Variants in SRP19 observed in about 807,000 individuals in gnomAD.
The protein encoded by SRP19 is signal recognition particle 19, also known as signal recognition particle 19 kDa protein.
In SRP19, 11 loss-of-function variants were observed where a neutral mutation model predicts 22.4. The ratio of observed to expected loss-of-function variants is 0.49; its 90% CI spans 0.31 to 0.81. SRP19 has a LOEUF of 0.81. Ranked by LOEUF, SRP19 falls within the 40% of genes least tolerant of loss-of-function variation. The pLI is 0.05. For missense variants in SRP19, 168 were observed against 175.9 expected, an observed-to-expected ratio of 0.96 and a Z score of 0.25; for synonymous variants, 61 against 57.6, an observed-to-expected ratio of 1.06 and a Z score of -0.27.
At chr5:112,886,028 G>A (rs1157401127) in intron 4 of SRP19, among the ~76,000 whole-genome samples, 1 of 152,172 alleles carries the variant, frequency 6.6e-6, no homozygotes, top group Non-Finnish European at 1.5e-5. Context: ...CAGCGACATG[G>A]CCTCTCCACT....
exon 5 of SRP19, chr5:112,892,051 G>T (rs769447970): frequency 1.3e-6 from 2 of 1,522,512 alleles, no homozygotes; most frequent in South Asian, 2.2e-5. Flanking sequence ...GAAAGAAAAA[G>T]AGGAAGCTGT....
chr5:112,889,829 ATT>A (rs35932072), intron 4 of SRP19, among the ~76,000 whole-genome samples: 1 of 139,280 alleles, frequency 7.2e-6, no homozygotes, highest in African/African-American at 2.8e-5. Context: ...GAAAAAAAAA[ATT>A]TTTTTTTTTT....
chr5:112,891,802 G>T (rs1302979864), exon 5 of SRP19: 1 of 1,606,928 alleles, frequency 6.2e-7, no homozygotes, highest in South Asian at 1.1e-5. Context: ...GGAGGAAGAG[G>T]ACACTTTTAT....
exon 4 of SRP19, chr5:112,898,202 C>T (rs780855733): frequency 2.6e-5 from 4 of 152,204 alleles, no homozygotes; most frequent in Non-Finnish European, 4.4e-5. Context: ...CTCCTACAGA[C>T]GAGACTCTGC....
intron 4 of SRP19, among the ~76,000 whole-genome samples, chr5:112,866,210 G>A (rs191598): frequency 6.0e-5 from 9 of 151,070 alleles, no homozygotes; most frequent in African/African-American, 1.2e-4. Flanking sequence ...TCCGCCTCCC[G>A]GGTTCAAGTG....
At chr5:112,875,043 T>C (rs1037664962) in intron 4 of SRP19, among the ~76,000 whole-genome samples, 1 of 152,196 alleles carries the variant, frequency 6.6e-6, no homozygotes, top group African/African-American at 2.4e-5. Flanking sequence ...CCCAGAGTGC[T>C]GGGATTACAG....
chr5:112,884,675 G>A (rs1768179922), intron 4 of SRP19, among the ~76,000 whole-genome samples: 1 of 151,924 alleles, frequency 6.6e-6, no homozygotes, highest in African/African-American at 2.4e-5. Context: ...CTGAGTCACT[G>A]TTCCTGATTC....
Position 112,861,384 on chromosome 5 carries a change from G to A in SRP19, c.8G>A (p.Cys3Tyr). ...GTTGAGACTCTTGTGAAGATGGCTT[G>A]CGCTGCCGCGCGGTCCCCGGCCGAC... MA[C>Y]AAARSPADQD... is the part of the protein sequence containing the mutation. The change falls in exon 1 of 5, where the codon TGC becomes TAC. Residue 3 changes from cysteine to tyrosine, a missense_variant. Transcript: ENST00000505459. 1 of 1,614,170 alleles carries A rather than the reference G, an allele frequency of 6.2e-7. No homozygotes were observed. The highest frequency in any genetic ancestry group is 8.5e-7 in the Non-Finnish European group (1 of 1,180,042).
chr5:112,893,807 G>C (rs1246973205), downstream of SRP19: 2 of 152,236 alleles, frequency 1.3e-5, no homozygotes, highest in Admixed American at 6.5e-5. Context: ...AGCGCCTTGA[G>C]GTACCCTCAG....
At chr5:112,865,950 C>T (rs994354148) in intron 4 of SRP19, among the ~76,000 whole-genome samples, 2 of 152,230 alleles carry the variant, frequency 1.3e-5, no homozygotes, top group Non-Finnish European at 2.9e-5. Context: ...TAGTCTCAAA[C>T]TCAAGCAATC....
intron 2 of SRP19, 27 bp from the exon 3 acceptor site, chr5:112,864,430 T>G (rs1767519022): frequency 3.1e-6 from 5 of 1,590,164 alleles, no homozygotes; most frequent in Non-Finnish European, 4.3e-6. Context: ...GCACATATAT[T>G]TAGTGTTTAT....
chr5:112,891,931 G>GT (rs764339826), exon 5 of SRP19: 23 of 1,273,088 alleles, frequency 1.8e-5, no homozygotes, highest in African/African-American at 2.9e-5. Context: ...GAAGGAAAAG[G>GT]AAGAGGCGGC....
intron 4 of SRP19, among the ~76,000 whole-genome samples, chr5:112,875,054 G>A (rs1472210519): frequency 6.6e-6 from 1 of 152,188 alleles, no homozygotes; most frequent in Non-Finnish European, 1.5e-5. Context: ...GGGATTACAG[G>A]TGTGAACCAC....
intron 4 of SRP19, among the ~76,000 whole-genome samples, chr5:112,875,752 T>TTG (rs1767879017): frequency 6.6e-6 from 1 of 152,048 alleles, no homozygotes; most frequent in Non-Finnish European, 1.5e-5. Flanking sequence ...ATGTAAAAAG[T>TTG]TTACTACATC....
chr5:112,892,226 A>G (rs771543724), exon 5 of SRP19: 4 of 1,614,066 alleles, frequency 2.5e-6, no homozygotes, highest in Non-Finnish European at 3.4e-6. Context: ...TCACGTAAAC[A>G]TAATTTCCCA....
chr5:112,865,803 A>T (rs1767583992), intron 4 of SRP19, among the ~76,000 whole-genome samples: 1 of 152,244 alleles, frequency 6.6e-6, no homozygotes, highest in South Asian at 2.1e-4. Context: ...CATGTTGGCC[A>T]GAATGGTCTC....
In SRP19 at chr5:112,864,504, A is replaced by G; in HGVS notation, c.165A>G (p.Ala55=). The change falls in exon 3 of 5, where the codon GCA becomes GCG. Residue 55 remains alanine (A), a synonymous_variant. Coordinates refer to ENST00000505459, the MANE Select transcript of SRP19 (RefSeq NM_003135.3). ...CAGAGATTCAAGATGTATGTTCAGC[A>G]GTTGGACTTAACGTATTTCTTGAGG... ...TATEIQDVCS[A]VGLNVFLEKN... 6.2e-7 allele frequency: 1 copy of G among 1,614,050 alleles called. No individual in the cohort carries two copies. The highest frequency in any genetic ancestry group is 8.5e-7 in the Non-Finnish European group (1 of 1,179,998).
At chr5:112,887,856 A>G (rs1478060129) in intron 4 of SRP19, among the ~76,000 whole-genome samples, 1 of 152,216 alleles carries the variant, frequency 6.6e-6, no homozygotes, top group East Asian at 1.9e-4. Context: ...ACTATGTCCA[A>G]AAAATTTTTA....
chr5:112,864,542 C>G lies in SRP19; in HGVS notation c.189+14C>G. The stretch of plus-strand genomic sequence containing the variant: ...GTATTTCTTGAGGTATGACGTGGTT[C>G]TTCACTATTTTCCATACTCATCTAA... On this transcript the variant is annotated intron_variant, in intron 3 of 4. Coordinates refer to ENST00000505459, the MANE Select transcript of SRP19 (RefSeq NM_003135.3). 1.2e-6 allele frequency: 2 copies of G among 1,613,478 alleles called. No individual in the cohort carries two copies. Among genetic ancestry groups the G allele is most frequent in the Non-Finnish European group, 1.7e-6 (2 of 1,179,460 alleles).
Sources: gnomAD v4.1 joint callset for allele counts (sites outside exome capture counted in the v4.1 genomes callset) on GRCh38, gnomAD v4.1.1 for gene constraint, MANE v1.5 for transcripts, NCBI Gene and HGNC (gene_info 2026-07-23, HGNC 2026-07-21) for gene names.